DDX60L: variants seen among roughly 807,000 people sequenced by gnomAD.
DDX60L encodes probable ATP-dependent RNA helicase DDX60-like.
DDX60L carries 191 observed loss-of-function variants against 211.6 expected under a neutral mutation model. That is an observed-to-expected ratio of 0.90 (90% confidence interval 0.80 to 1.02). DDX60L has a LOEUF of 1.02. DDX60L is among the 50% of genes least tolerant of loss of function. The probability of loss-of-function intolerance (pLI) is 0.00; values close to 1 mark genes in which losing one functional copy is unlikely to be tolerated. For missense variants in DDX60L, 2,007 were observed against 1,984.1 expected, an observed-to-expected ratio of 1.01 and a Z score of -0.22; for synonymous variants, 706 against 694.1, an observed-to-expected ratio of 1.02 and a Z score of -0.27.
intron 8 of DDX60L, among the ~76,000 whole-genome samples, chr4:168,451,633 C>A (rs73863609): frequency 6.6e-6 from 1 of 152,184 alleles, no homozygotes; most frequent in Non-Finnish European, 1.5e-5. Context: ...GTCTACAATG[C>A]GCTCTATGCA....
intron 7 of DDX60L, among the ~76,000 whole-genome samples, chr4:168,454,827 A>T (rs1451209816): frequency 7.7e-6 from 1 of 130,282 alleles, no homozygotes; most frequent in Non-Finnish European, 1.6e-5. Flanking sequence ...GAGAAGAGTG[A>T]GGCAGAAGCA....
chr4:168,414,042 T>C (rs1357813649), intron 22 of DDX60L, among the ~76,000 whole-genome samples: 1 of 152,172 alleles, frequency 6.6e-6, no homozygotes, highest in Non-Finnish European at 1.5e-5. Context: ...AGCAGACTTC[T>C]CAGTGGAAAC....
Position 168,421,854 on chromosome 4 carries a change from G to A in DDX60L, c.2300C>T (p.Thr767Met), listed in dbSNP as rs779875406. 1.5e-5 allele frequency: 25 copies of A among 1,614,090 alleles called. No individual in the cohort carries two copies. Among genetic ancestry groups the A allele is most frequent in the East Asian group, 2.2e-5 (1 of 44,892 alleles). ...GGAAGCATAGGTTTTGCCTGAGGAC[G>A]TTGGGGCAACAATCACTGCTGACTC... ...KNESAVIVAP[T>M]SSGKTYASYY... is the part of the protein sequence containing the mutation. Residue 767 changes from threonine (T) to methionine (M), a missense_variant, in exon 17 of 38, where the codon ACG (threonine) becomes ATG (methionine). Thr to Met is a moderately conservative substitution (Grantham distance 81). Transcript: ENST00000682922.
chr4:168,379,361 A>T lies in DDX60L; in HGVS notation c.4363+2T>A. On this transcript the variant is annotated splice_donor_variant, in intron 32 of 37. Coordinates refer to ENST00000682922, the MANE Select transcript of DDX60L (RefSeq NM_001012967.3). LOFTEE classifies it high-confidence loss of function. Reference sequence around the variant, plus strand: ...GACTACAGGTATAAAACCCAAGCTTACCTTTCCAGGCTGGCTTACAGAGAT... The same window carrying T: ...GACTACAGGTATAAAACCCAAGCTTTCCTTTCCAGGCTGGCTTACAGAGAT... 6.4e-7 allele frequency: 1 copy of T among 1,557,322 alleles called. No homozygotes were observed. The highest frequency in any genetic ancestry group is 8.6e-7 in the Non-Finnish European group (1 of 1,161,050).
intron 36 of DDX60L, 141 bp from the exon 37 acceptor site, chr4:168,361,352 T>G (rs758599437): frequency 2.7e-5 from 15 of 552,202 alleles, no homozygotes; most frequent in Middle Eastern, 4.8e-4. Flanking sequence ...ATTGTATTAA[T>G]CATAATGAAA....
At position 168,427,210 on chromosome 4, in the gene DDX60L, A is replaced by T. The variant is rs1042828323; in HGVS notation, c.1790T>A (p.Met597Lys). Residue 597 changes from methionine (M) to lysine (K), a missense_variant, in exon 14 of 38, where the codon ATG becomes AAG. Physicochemically the swap from Met to Lys is moderately conservative, Grantham distance 95. Transcript: ENST00000682922. ...TATTCCAGAATGTAAATTGTTCTTC[A>T]TCTCCTCTTCAATAGAAAACAGCAG... is the stretch of plus-strand genomic sequence containing the variant. ...DDLLFSIEEE[M>K]KNNLHSGIRK... The T allele has an allele frequency of 2.5e-6, 4 of 1,613,452 alleles. No homozygotes were observed. Among genetic ancestry groups the T allele is most frequent in the Non-Finnish European group, 3.4e-6 (4 of 1,179,688 alleles).
intron 23 of DDX60L, 59 bp downstream of exon 23, chr4:168,406,543 A>C: frequency 2.4e-6 from 3 of 1,250,678 alleles, no homozygotes; most frequent in Non-Finnish European, 3.4e-6. Flanking sequence ...TAATTTTGCT[A>C]TATTCTGGAA....
rs921730752 is a variant in DDX60L, at chr4:168,358,051, C to A, written c.*96G>T. On this transcript the variant is annotated 3_prime_UTR_variant, in exon 38 of 38. Transcript: ENST00000682922. The stretch of plus-strand genomic sequence containing the variant: ...AGTTTAATTCTGTTTGACTCCAAGA[C>A]AAACATTTTTTCCATTTCATTGTGT... 19 of 1,162,696 alleles carry A rather than the reference C, an allele frequency of 1.6e-5. No individual in the cohort carries two copies. The African/African-American group carries it at 2.9e-4, about 18-fold the overall frequency. The allele number at this position is 1,162,696 out of a possible 1,614,324, so 72.0% of individuals were successfully genotyped here.
In DDX60L at chr4:168,384,791, T is replaced by C; in HGVS notation, c.3937A>G (p.Arg1313Gly). The C allele has an allele frequency of 6.2e-7, 1 of 1,613,350 alleles. No individual in the cohort carries two copies. The highest frequency in any genetic ancestry group is 8.5e-7 in the Non-Finnish European group (1 of 1,179,624). ...YRQMSGRAGR[R>G]GQDLLGNVYF... ...ACATTTCCAAGCAGGTCTTGACCTC[T>C]TCTTCCAGCACGACCAGACATCTGG... The change falls in exon 30 of 38, where the codon AGA becomes GGA. Residue 1313 changes from arginine to glycine, a missense_variant. By Grantham distance (125) the Arg-to-Gly change is moderately radical. Transcript: ENST00000682922.
chr4:168,432,841 T>C (rs1752547879), intron 11 of DDX60L, among the ~76,000 whole-genome samples, 169 bp downstream of exon 11: 1 of 150,626 alleles, frequency 6.6e-6, no homozygotes, highest in Non-Finnish European at 1.5e-5. Context: ...AATGTTCAAA[T>C]AATATTGACA....
At position 168,356,967 on chromosome 4, in the gene DDX60L, T is replaced by C. The variant is rs984059726; in HGVS notation, c.*1180A>G. 1 of 152,222 alleles carries C rather than the reference T, an allele frequency of 6.6e-6. No homozygotes were observed. The highest frequency in any genetic ancestry group is 2.4e-5 in the African/African-American group (1 of 41,462). 9.4% of individuals were successfully genotyped at this position (152,222 alleles called of 1,614,324 possible). A position where few individuals can be genotyped will look rare whatever the true frequency, so the allele number is the denominator to read the frequency against. The stretch of plus-strand genomic sequence containing the variant: ...CAGTTTAAGCTCATTTGAGAAACTT[T>C]TTTCTCCTTCAGAGTACCGTATTCA... On this transcript the variant is annotated 3_prime_UTR_variant, in exon 38 of 38. Transcript: ENST00000682922.
At chr4:168,393,771 T>C (rs1402957662) in intron 28 of DDX60L, among the ~76,000 whole-genome samples, 3 of 152,216 alleles carry the variant, frequency 2.0e-5, no homozygotes, top group South Asian at 2.1e-4. Context: ...GTCTTTCTCT[T>C]AGCTGAGGTA....
chr4:168,407,013 T>A lies in DDX60L; in HGVS notation c.2980-307A>T, dbSNP rs1173880750. On this transcript the variant is annotated intron_variant, in intron 22 of 37. Coordinates refer to ENST00000682922, the MANE Select transcript of DDX60L (RefSeq NM_001012967.3). ...CTATGAAACTTCCTTAGAATGCCAG[T>A]GAGGGTACTGGGTGGCTGGAAAATA... Among the ~76,000 whole-genome samples, 4 of 152,320 alleles carry A rather than the reference T, an allele frequency of 2.6e-5. No homozygotes were observed. In the South Asian group the frequency reaches 8.3e-4, roughly 32 times the overall value.
intron 29 of DDX60L, among the ~76,000 whole-genome samples, chr4:168,389,280 G>T (rs531057547): frequency 2.1e-4 from 32 of 152,288 alleles, no homozygotes; most frequent in African/African-American, 7.7e-4. Context: ...AATGCCATTT[G>T]AGGGAATATA....
chr4:168,404,134 A>G, intron 24 of DDX60L, 28 bp from the exon 25 acceptor site: 5 of 1,250,236 alleles, frequency 4.0e-6, no homozygotes, highest in East Asian at 6.2e-5. Context: ...AATTATTTAA[A>G]AAAAAAAAAA....
intron 4 of DDX60L, chr4:168,469,601 G>A (rs577031927): frequency 5.9e-5 from 9 of 152,274 alleles, no homozygotes; most frequent in East Asian, 1.9e-4. Flanking sequence ...AGTGGCAGCC[G>A]GGCACGGTGG....
Position 168,371,766 on chromosome 4 carries a change from G to A in DDX60L, c.4777-3C>T, listed in dbSNP as rs1234692795. 6.3e-7 allele frequency: 1 copy of A among 1,594,454 alleles called. No individual in the cohort carries two copies. The highest frequency in any genetic ancestry group is 1.1e-5 in the South Asian group (1 of 88,566). On this transcript the variant is annotated splice_region_variant and splice_polypyrimidine_tract_variant and intron_variant, in intron 35 of 37. Coordinates refer to ENST00000682922, the MANE Select transcript of DDX60L (RefSeq NM_001012967.3). ...ACACCGACTGTGCGCAGGATGACCT[G>A]AAGAAAGACATTTTCTATTACTTCA...
At chr4:168,380,089 T>C (rs1288593489) in intron 30 of DDX60L, 1 of 325,316 alleles carries the variant, frequency 3.1e-6, no homozygotes, top group Non-Finnish European at 5.6e-6. Context: ...CCTGAAACAG[T>C]GGTGACCAAT....
At chr4:168,434,877 T>C (rs1428238272) in intron 10 of DDX60L, among the ~76,000 whole-genome samples, 3 of 152,180 alleles carry the variant, frequency 2.0e-5, no homozygotes, top group Non-Finnish European at 4.4e-5. Flanking sequence ...AACCCCTTGA[T>C]TGGAGAAAAG....
Sources: allele counts gnomAD v4.1 joint callset (sites outside exome capture counted in the v4.1 genomes callset), GRCh38; gene constraint gnomAD v4.1.1; transcripts MANE v1.5; gene names NCBI Gene and HGNC (gene_info 2026-07-23, HGNC 2026-07-21).